Variants in NPAS3 observed in about 807,000 individuals in gnomAD.
The protein encoded by NPAS3 is neuronal PAS domain-containing protein 3.
NPAS3 carries 14 observed loss-of-function variants against 73.1 expected under a neutral mutation model. The observed-to-expected ratio is 0.19, with a 90% CI of 0.13 to 0.30. The LOEUF is 0.30. Ranked by LOEUF, NPAS3 falls within the 10% of genes least tolerant of loss-of-function variation. The probability of loss-of-function intolerance (pLI) is 1.00; values close to 1 mark genes in which losing one functional copy is unlikely to be tolerated. For synonymous variants in NPAS3, 620 were observed against 541.5 expected (o/e 1.14, Z -2.01); for missense variants, 1,096 against 1,250.0 (o/e 0.88, Z 1.86).
chr14:33,286,587 T>A (rs756215538), intron 3 of NPAS3, among the ~76,000 whole-genome samples: 1 of 152,120 alleles, frequency 6.6e-6, no homozygotes, highest in Non-Finnish European at 1.5e-5. Flanking sequence ...CCTGAATGAG[T>A]GATTCTGCCA....
At chr14:33,148,022 G>T (rs1725735156) in intron 2 of NPAS3, among the ~76,000 whole-genome samples, 1 of 151,918 alleles carries the variant, frequency 6.6e-6, no homozygotes, top group African/African-American at 2.4e-5. Context: ...GAGTCTTCAA[G>T]AAACCAATAG....
chr14:33,260,030 A>C (rs569347274), intron 3 of NPAS3, among the ~76,000 whole-genome samples: 2 of 152,256 alleles, frequency 1.3e-5, no homozygotes, highest in South Asian at 4.1e-4. Flanking sequence ...GACACCCAAA[A>C]GCCTATTGCA....
chr14:33,380,294 AAC>A (rs2046489524), intron 4 of NPAS3, among the ~76,000 whole-genome samples: 1 of 151,896 alleles, frequency 6.6e-6, no homozygotes, highest in African/African-American at 2.4e-5. Flanking sequence ...GAACACAGAA[AAC>A]CAAGACCTGT....
intron 5 of NPAS3, among the ~76,000 whole-genome samples, chr14:33,627,906 C>T (rs1218088237): frequency 6.6e-6 from 1 of 152,150 alleles, no homozygotes; most frequent in Admixed American, 6.5e-5. Context: ...TGTAAATAAA[C>T]CCTCAAGAAA....
chr14:33,727,857 G>C (rs1011973842), intron 6 of NPAS3, among the ~76,000 whole-genome samples: 1 of 152,148 alleles, frequency 6.6e-6, no homozygotes, highest in Non-Finnish European at 1.5e-5. Context: ...AACATTTATA[G>C]GGAGTTTCCA....
chr14:33,045,413 T>C (rs1240070468), intron 1 of NPAS3, among the ~76,000 whole-genome samples: 1 of 152,228 alleles, frequency 6.6e-6, no homozygotes. Flanking sequence ...CGATTAGTCT[T>C]TCTAGAGGGC....
chr14:33,675,225 G>A (rs1463735239), intron 5 of NPAS3, among the ~76,000 whole-genome samples: 2 of 152,078 alleles, frequency 1.3e-5, no homozygotes, highest in Non-Finnish European at 2.9e-5. Flanking sequence ...CCTGTTGTAT[G>A]TGCATGTAAT....
At chr14:32,938,053 G>A (rs1340046544), upstream of NPAS3, among the ~76,000 whole-genome samples, 2 of 152,154 alleles carry the variant, frequency 1.3e-5, no homozygotes, top group Admixed American at 1.3e-4. Flanking sequence ...CGGGACCCGA[G>A]TCGGGAGGGG....
intron 1 of NPAS3, among the ~76,000 whole-genome samples, chr14:33,033,702 A>G (rs2040072345): frequency 2.0e-5 from 3 of 152,128 alleles, no homozygotes; most frequent in Non-Finnish European, 2.9e-5. Context: ...GATACCTTCC[A>G]TATTTGCATT....
chr14:33,296,527 T>A (rs1418221864), intron 3 of NPAS3, among the ~76,000 whole-genome samples: 4 of 152,254 alleles, frequency 2.6e-5, no homozygotes, highest in African/African-American at 9.6e-5. Context: ...GTGTCTTAGA[T>A]AATGTAGTCC....
chr14:33,012,738 C>T (rs898190782), intron 1 of NPAS3, among the ~76,000 whole-genome samples: 7 of 152,094 alleles, frequency 4.6e-5, no homozygotes, highest in Admixed American at 2.0e-4. Flanking sequence ...TTAGTAGAGA[C>T]GGAGTTTCAC....
At chr14:33,097,169 G>C (rs2042446183) in intron 2 of NPAS3, among the ~76,000 whole-genome samples, 1 of 151,982 alleles carries the variant, frequency 6.6e-6, no homozygotes, top group Admixed American at 6.6e-5. Flanking sequence ...CCTGAGCCCA[G>C]GAATTTGAGA....
intron 6 of NPAS3, among the ~76,000 whole-genome samples, chr14:33,719,354 G>A (rs527802777): frequency 9.3e-4 from 142 of 152,248 alleles, no homozygotes; most frequent in African/African-American, 3.2e-3. Context: ...AAAAACAGAT[G>A]TCAGAAATAG....
intron 3 of NPAS3, among the ~76,000 whole-genome samples, chr14:33,270,123 T>C (rs1416800369): frequency 6.6e-6 from 1 of 152,062 alleles, no homozygotes; most frequent in Non-Finnish European, 1.5e-5. Context: ...GGTTGGCCTT[T>C]TGTACCCCAG....
intron 4 of NPAS3, among the ~76,000 whole-genome samples, chr14:33,470,303 A>C (rs2050725400): frequency 1.3e-5 from 2 of 152,226 alleles, no homozygotes; most frequent in Admixed American, 1.3e-4. Context: ...ACTTTGTAAG[A>C]AGAGCATGGG....
intron 1 of NPAS3, among the ~76,000 whole-genome samples, chr14:32,971,447 G>A (rs958017231): frequency 2.0e-5 from 3 of 152,044 alleles, no homozygotes; most frequent in African/African-American, 4.8e-5. Flanking sequence ...AGTTTTTAAG[G>A]CATCTTTTAA....
At chr14:33,048,973 C>T (rs1270558268) in intron 1 of NPAS3, among the ~76,000 whole-genome samples, 2 of 152,192 alleles carry the variant, frequency 1.3e-5, no homozygotes, top group African/African-American at 2.4e-5. Context: ...AGACACTGAT[C>T]TTCTTTTACA....
At chr14:33,033,853 A>G (rs2040075672) in intron 1 of NPAS3, among the ~76,000 whole-genome samples, 1 of 152,256 alleles carries the variant, frequency 6.6e-6, no homozygotes, top group African/African-American at 2.4e-5. Context: ...ATTAAGAACA[A>G]GATTGTTATT....
intron 2 of NPAS3, among the ~76,000 whole-genome samples, chr14:33,075,642 C>T (rs1037975146): frequency 2.0e-4 from 30 of 152,182 alleles, no homozygotes; most frequent in African/African-American, 5.8e-4. Flanking sequence ...TAGAAAACTG[C>T]CTCCTGTATG....
Sources: allele counts gnomAD v4.1 joint callset (sites outside exome capture counted in the v4.1 genomes callset), GRCh38; gene constraint gnomAD v4.1.1; transcripts MANE v1.5; gene names NCBI Gene and HGNC (gene_info 2026-07-23, HGNC 2026-07-21).